ABI1: variants seen among roughly 807,000 people sequenced by gnomAD.
ABI1 encodes the protein Abelson interactor 1.
In ABI1, 14 loss-of-function variants were observed where a neutral mutation model predicts 54.6. That is an observed-to-expected ratio of 0.26 (90% CI 0.17 to 0.40). The LOEUF (loss-of-function observed/expected upper bound fraction) is 0.40. Ranked by LOEUF, ABI1 falls within the 10% of genes least tolerant of loss-of-function variation. The pLI is 1.00. For synonymous variants in ABI1, 194 were observed against 209.3 expected, an observed-to-expected ratio of 0.93 and a Z score of 0.63; for missense variants, 443 against 598.3, an observed-to-expected ratio of 0.74 and a Z score of 2.71.
rs569066812 is a variant in ABI1, at chr10:26,770,596, T to C, written c.478-251A>G. The stretch of plus-strand genomic sequence containing the variant: ...TGACTGGATTTAATATCTTATTTTA[T>C]TGTTAAACATGTTCACTGAGATCAA... On this transcript the variant is annotated intron_variant, in intron 4 of 10. Coordinates refer to ENST00000376140, the MANE Select transcript of ABI1 (RefSeq NM_001012750.3). 7.9e-4 allele frequency: 519 copies of C among 657,192 alleles called. 1 individual carries two copies. Among genetic ancestry groups the C allele is most frequent in the Admixed American group, 2.1e-3 (109 of 52,088 alleles). The allele number at this position is 657,192 out of a possible 1,614,324, so 40.7% of individuals were successfully genotyped here. A position where few individuals can be genotyped will look rare whatever the true frequency, so the allele number is the denominator to read the frequency against.
intron 1 of ABI1, among the ~76,000 whole-genome samples, chr10:26,825,232 T>C (rs2048234462): frequency 6.6e-6 from 1 of 152,224 alleles, no homozygotes; most frequent in South Asian, 2.1e-4. Flanking sequence ...CTTTCAAAAC[T>C]GAAATCAAGC....
Position 26,770,358 on chromosome 10 carries a change from A to G in ABI1, c.478-13T>C, listed in dbSNP as rs758956712. ...GGTTATTTCCATGCTAAAATGTAGA[A>G]AGAAATGCTTTTATTTTTATATCAA... On this transcript the variant is annotated splice_polypyrimidine_tract_variant and intron_variant, in intron 4 of 10. Coordinates refer to ENST00000376140, the MANE Select transcript of ABI1 (RefSeq NM_001012750.3). The G allele has an allele frequency of 1.2e-6, 2 of 1,607,048 alleles. No individual in the cohort carries two copies. The highest frequency in any genetic ancestry group is 1.7e-6 in the Non-Finnish European group (2 of 1,173,630).
intron 9 of ABI1, among the ~76,000 whole-genome samples, chr10:26,752,146 T>G (rs1489715375): frequency 6.6e-6 from 1 of 152,232 alleles, no homozygotes. Context: ...TGGACTGCAG[T>G]AATGATATGA....
At chr10:26,853,408 C>T (rs946533753) in intron 1 of ABI1, among the ~76,000 whole-genome samples, 1 of 150,550 alleles carries the variant, frequency 6.6e-6, no homozygotes, top group Non-Finnish European at 1.5e-5. Flanking sequence ...CTTCTACAAT[C>T]AAACCATAAT....
intron 1 of ABI1, among the ~76,000 whole-genome samples, chr10:26,825,656 T>C (rs975733297): frequency 6.6e-6 from 1 of 152,192 alleles, no homozygotes; most frequent in African/African-American, 2.4e-5. Context: ...AGCAAAACTC[T>C]GTCTCAAAAA....
intron 2 of ABI1, among the ~76,000 whole-genome samples, chr10:26,817,400 C>CA (rs899384152): frequency 3.3e-5 from 5 of 151,856 alleles, no homozygotes; most frequent in South Asian, 2.1e-4. Context: ...TTCTGTTCTA[C>CA]AAAAAAAATT....
At chr10:26,773,672 C>A (rs913233954) in intron 3 of ABI1, among the ~76,000 whole-genome samples, 2 of 152,166 alleles carry the variant, frequency 1.3e-5, no homozygotes, top group Non-Finnish European at 2.9e-5. Context: ...ACGGCTCCAG[C>A]ATTCTGGGTT....
chr10:26,855,925 C>T (rs556563447), intron 1 of ABI1, among the ~76,000 whole-genome samples: 22 of 142,400 alleles, frequency 1.5e-4, no homozygotes, highest in Admixed American at 6.0e-4. Context: ...GAGCTGAGAT[C>T]GTGCCACCGC....
At chr10:26,780,461 T>C (rs1367817020) in intron 2 of ABI1, among the ~76,000 whole-genome samples, 1 of 152,158 alleles carries the variant, frequency 6.6e-6, no homozygotes, top group Non-Finnish European at 1.5e-5. Context: ...CTCGAACTCC[T>C]GGGCTCAAGC....
At chr10:26,782,868 T>C (rs1842305709) in intron 2 of ABI1, among the ~76,000 whole-genome samples, 1 of 152,062 alleles carries the variant, frequency 6.6e-6, no homozygotes, top group Admixed American at 6.6e-5. Flanking sequence ...AAAATCAGGA[T>C]GTGGAGAAAC....
At chr10:26,794,737 G>A (rs570775447) in intron 2 of ABI1, among the ~76,000 whole-genome samples, 69 of 152,048 alleles carry the variant, frequency 4.5e-4, no homozygotes, top group African/African-American at 1.6e-3. Context: ...TATTATTATT[G>A]TTTCCCAGTT....
At position 26,860,110 on chromosome 10, in the gene ABI1, C is replaced by G. The variant is rs1248664337; in HGVS notation, c.117+637G>C. On this transcript the variant is annotated intron_variant, in intron 1 of 10. Coordinates refer to ENST00000376140, the MANE Select transcript of ABI1 (RefSeq NM_001012750.3). The surrounding 1 kb of genome is among the most constrained non-coding windows in gnomAD (Gnocchi z 4.1). ...AACGCCCTCCCTCACTCCCCACACC[C>G]GCTTCCTCCTCTCCTCCGGGAGGTC... Among the ~76,000 whole-genome samples, 1 of 152,158 alleles carries G rather than the reference C, an allele frequency of 6.6e-6. No homozygotes were observed. Among genetic ancestry groups the G allele is most frequent in the Non-Finnish European group, 1.5e-5 (1 of 68,024 alleles).
chr10:26,853,146 G>A (rs781055526), intron 1 of ABI1, among the ~76,000 whole-genome samples: 9 of 149,174 alleles, frequency 6.0e-5, no homozygotes, highest in Non-Finnish European at 1.2e-4. Context: ...AAACAAAATC[G>A]ATGGCGTGAA....
intron 10 of ABI1, among the ~76,000 whole-genome samples, chr10:26,750,654 A>G (rs1402601864): frequency 6.8e-6 from 1 of 147,668 alleles, no homozygotes; most frequent in Non-Finnish European, 1.5e-5. Flanking sequence ...AAGGCAACCA[A>G]AAGTGTTCAA....
chr10:26,748,812 CAAAG>C, intron 10 of ABI1, 67 bp from the exon 11 acceptor site: 5 of 1,167,076 alleles, frequency 4.3e-6, no homozygotes, highest in Middle Eastern at 2.0e-4. Context: ...AATTTTAAGA[CAAAG>C]ACAATTAAAT....
intron 1 of ABI1, among the ~76,000 whole-genome samples, chr10:26,846,915 A>AT (rs1220479756): frequency 6.6e-6 from 1 of 152,128 alleles, no homozygotes; most frequent in Non-Finnish European, 1.5e-5. Flanking sequence ...CATTACTTCT[A>AT]TGACACACCA....
At chr10:26,843,453 C>CAAAAAAAAAAA (rs147957853) in intron 1 of ABI1, among the ~76,000 whole-genome samples, 11 of 53,080 alleles carry the variant, frequency 2.1e-4, no homozygotes, top group South Asian at 5.5e-4. Context: ...GACTCCGTCT[C>CAAAAAAAAAAA]AAAAAAAAAA....
chr10:26,799,336 T>C (rs1246944915), intron 2 of ABI1, among the ~76,000 whole-genome samples: 1 of 152,118 alleles, frequency 6.6e-6, no homozygotes, highest in African/African-American at 2.4e-5. Context: ...CTGTATTCCA[T>C]AATTATGCTG....
chr10:26,807,092 C>A (rs2046922548), intron 2 of ABI1, among the ~76,000 whole-genome samples: 1 of 152,064 alleles, frequency 6.6e-6, no homozygotes, highest in Middle Eastern at 3.2e-3. Context: ...ACTCTAGATT[C>A]TGCTATAGTC....
Sources: gnomAD v4.1 joint callset for allele counts (sites outside exome capture counted in the v4.1 genomes callset) on GRCh38, gnomAD v4.1.1 for gene constraint, Gnocchi (gnomAD v3.1) non-coding constraint, MANE v1.5 for transcripts, NCBI Gene and HGNC (gene_info 2026-07-23, HGNC 2026-07-21) for gene names.